The following NPAS3 variants were observed in gnomAD, a reference collection of about 807,000 sequenced individuals.
The protein encoded by NPAS3 is neuronal PAS domain protein 3, also known as neuronal PAS domain-containing protein 3.
A neutral mutation model predicts 73.1 loss-of-function variants in NPAS3; 14 were observed. The observed-to-expected ratio is 0.19, with a 90% CI of 0.13 to 0.30. The LOEUF is 0.30. NPAS3 is among the 10% of genes least tolerant of loss of function. NPAS3 has a pLI of 1.00. For synonymous variants in NPAS3, 620 were observed against 541.5 expected (o/e 1.14, Z -2.01); for missense variants, 1,096 against 1,250.0 (o/e 0.88, Z 1.86).
At chr14:33,760,526 A>C (rs2140824215) in intron 7 of NPAS3, among the ~76,000 whole-genome samples, 1 of 152,246 alleles carries the variant, frequency 6.6e-6, no homozygotes, top group Admixed American at 6.5e-5. Context: ...AGAGACCAGG[A>C]AAGACTAGGA....
At chr14:33,448,149 G>A (rs1425678056) in intron 4 of NPAS3, among the ~76,000 whole-genome samples, 1 of 152,212 alleles carries the variant, frequency 6.6e-6, no homozygotes, top group East Asian at 1.9e-4. Flanking sequence ...TAAGACATAT[G>A]TTAAAGATGG....
intron 5 of NPAS3, among the ~76,000 whole-genome samples, chr14:33,604,638 A>G (rs2057500647): frequency 2.0e-5 from 3 of 152,116 alleles, no homozygotes; most frequent in African/African-American, 7.2e-5. Flanking sequence ...ATCTCCACCT[A>G]ACAGCAGAGT....
At chr14:33,639,243 G>A (rs1186693618) in intron 5 of NPAS3, among the ~76,000 whole-genome samples, 1 of 152,102 alleles carries the variant, frequency 6.6e-6, no homozygotes, top group Non-Finnish European at 1.5e-5. Context: ...CAATAAATCA[G>A]CAAAGGTGGA....
intron 1 of NPAS3, among the ~76,000 whole-genome samples, chr14:32,964,696 C>G (rs577590635): frequency 6.6e-6 from 1 of 151,904 alleles, no homozygotes; most frequent in Non-Finnish European, 1.5e-5. Flanking sequence ...AGTTTGAGGC[C>G]GGGTGCAGTG....
At chr14:33,289,821 CAA>C (rs34641267) in intron 3 of NPAS3, among the ~76,000 whole-genome samples, 38,370 of 142,086 alleles carry the variant, frequency 0.27, 5,561 homozygotes, top group African/African-American at 0.42. Context: ...GACTCCGTCT[CAA>C]AAAAAAAAAA....
intron 4 of NPAS3, 24 bp downstream of exon 4, chr14:33,367,292 T>C (rs1379413929): frequency 2.4e-6 from 2 of 826,438 alleles, no homozygotes; most frequent in Non-Finnish European, 2.1e-6. Context: ...AAAAAGAAGC[T>C]TTCTTATATT....
In NPAS3 at chr14:32,942,483, A is replaced by G. The variant is rs1323078579; in HGVS notation, c.50+3117A>G. ...TGTCTCTTTAGAGCCTGAAAGAACA[A>G]GTTGAAAACCTTGTGTACATAAACT... On this transcript the variant is annotated intron_variant, in intron 1 of 11. Coordinates refer to ENST00000356141, the Ensembl canonical transcript of NPAS3. Among the ~76,000 whole-genome samples the G allele has an allele frequency of 2.6e-5, 4 of 152,260 alleles. No homozygotes were observed. In the East Asian group the frequency reaches 7.7e-4, roughly 29 times the overall value.
intron 3 of NPAS3, among the ~76,000 whole-genome samples, chr14:33,308,523 T>TAC (rs1347327819): frequency 5.5e-4 from 49 of 88,834 alleles, no homozygotes; most frequent in African/African-American, 2.2e-3. Flanking sequence ...TATATATATA[T>TAC]ATATACATAC....
intron 6 of NPAS3, among the ~76,000 whole-genome samples, chr14:33,682,658 C>G (rs2059972038): frequency 6.6e-6 from 1 of 152,210 alleles, no homozygotes; most frequent in Admixed American, 6.5e-5. Flanking sequence ...ACAAGATCCC[C>G]TGGAACTGCC....
At chr14:33,192,635 C>T (rs72678811) in intron 2 of NPAS3, among the ~76,000 whole-genome samples, 2,580 of 152,114 alleles carry the variant, frequency 0.017, 51 homozygotes, top group Non-Finnish European at 0.021. Flanking sequence ...TACCTTCATA[C>T]GGGGGGAAAC....
At chr14:33,202,940 A>C (rs1482987436) in intron 2 of NPAS3, among the ~76,000 whole-genome samples, 3 of 152,220 alleles carry the variant, frequency 2.0e-5, no homozygotes, top group African/African-American at 7.2e-5. Flanking sequence ...TCGTAAGAAA[A>C]GTCTTTTTCT....
intron 7 of NPAS3, among the ~76,000 whole-genome samples, chr14:33,753,308 G>T (rs2140776910): frequency 6.7e-6 from 1 of 149,396 alleles, no homozygotes; most frequent in Non-Finnish European, 1.5e-5. Context: ...CTCTGTAGCT[G>T]TCAGGATTAT....
At chr14:33,111,141 G>A (rs1475586011) in intron 2 of NPAS3, among the ~76,000 whole-genome samples, 1 of 152,186 alleles carries the variant, frequency 6.6e-6, no homozygotes, top group Non-Finnish European at 1.5e-5. Context: ...TGCCACTGTT[G>A]GGGAGAAGAA....
intron 5 of NPAS3, among the ~76,000 whole-genome samples, chr14:33,585,546 TATC>T (rs2139908246): frequency 6.6e-6 from 1 of 152,316 alleles, no homozygotes; most frequent in Non-Finnish European, 1.5e-5. Context: ...GAAATAACCT[TATC>T]ATCTTTTACA....
intron 3 of NPAS3, among the ~76,000 whole-genome samples, chr14:33,326,515 C>A (rs1161991115): frequency 1.3e-5 from 2 of 152,152 alleles, no homozygotes; most frequent in Non-Finnish European, 2.9e-5. Context: ...TTTTCGTTTA[C>A]TTTTTAAATC....
At chr14:33,331,294 G>A (rs147822625) in intron 3 of NPAS3, among the ~76,000 whole-genome samples, 4 of 152,284 alleles carry the variant, frequency 2.6e-5, no homozygotes, top group Admixed American at 1.3e-4. Flanking sequence ...AAGGGGGGCC[G>A]CTTCTTTAAT....
chr14:33,568,996 A>G (rs1182744636), intron 5 of NPAS3, among the ~76,000 whole-genome samples: 1 of 152,234 alleles, frequency 6.6e-6, no homozygotes, highest in Admixed American at 6.5e-5. Context: ...TTTTTGTGTG[A>G]ATATGTGTTT....
chr14:33,400,545 G>T (rs1390906578), intron 4 of NPAS3, among the ~76,000 whole-genome samples: 1 of 152,106 alleles, frequency 6.6e-6, no homozygotes, highest in African/African-American at 2.4e-5. Flanking sequence ...CTGTGAAATT[G>T]TTCTGCCAGA....
intron 2 of NPAS3, among the ~76,000 whole-genome samples, chr14:33,094,116 A>T (rs935519652): frequency 1.6e-3 from 81 of 51,180 alleles, no homozygotes; most frequent in African/African-American, 0.015. Context: ...TTAAAGTATA[A>T]AAAAAAAAAA....
Sources: gnomAD v4.1 joint callset for allele counts (sites outside exome capture counted in the v4.1 genomes callset) on GRCh38, gnomAD v4.1.1 for gene constraint, MANE v1.5 for transcripts, NCBI Gene and HGNC (gene_info 2026-07-23, HGNC 2026-07-21) for gene names.